ROBO2: variants seen among roughly 807,000 people sequenced by gnomAD.
ROBO2 encodes roundabout guidance receptor 2, also known as roundabout homolog 2.
In ROBO2, 53 loss-of-function variants were observed where a neutral mutation model predicts 160.8. The ratio of observed to expected loss-of-function variants is 0.33; its 90% CI spans 0.26 to 0.41. The LOEUF (loss-of-function observed/expected upper bound fraction) is 0.41, where lower values mean the gene tolerates loss of function less well. Ranked by LOEUF, ROBO2 falls within the 10% of genes least tolerant of loss-of-function variation. ROBO2 has a pLI of 1.00. For synonymous variants in ROBO2, 664 were observed against 611.7 expected, an observed-to-expected ratio of 1.09 and a Z score of -1.26; for missense variants, 1,577 against 1,722.4, an observed-to-expected ratio of 0.92 and a Z score of 1.49.
At chr3:76,194,867 G>GT (rs1264741109) in intron 2 of ROBO2, among the ~76,000 whole-genome samples, 1 of 152,080 alleles carries the variant, frequency 6.6e-6, no homozygotes, top group East Asian at 1.9e-4. Context: ...ATCCGCCCGC[G>GT]TTGGTCTCTC....
intron 2 of ROBO2, among the ~76,000 whole-genome samples, chr3:76,744,585 T>G (rs992896363): frequency 6.6e-6 from 1 of 151,934 alleles, no homozygotes; most frequent in Non-Finnish European, 1.5e-5. Flanking sequence ...TGGTCTCAAA[T>G]TTCTGTCTTC....
intron 2 of ROBO2, among the ~76,000 whole-genome samples, chr3:77,010,150 T>A (rs77345132): frequency 0.028 from 4,313 of 152,172 alleles, 213 homozygotes; most frequent in African/African-American, 0.098. Flanking sequence ...CTGAACTTGG[T>A]TGATTTCAGA....
intron 2 of ROBO2, among the ~76,000 whole-genome samples, chr3:76,797,431 C>T (rs1483581051): frequency 6.6e-6 from 1 of 151,824 alleles, no homozygotes; most frequent in Non-Finnish European, 1.5e-5. Flanking sequence ...TGGCATACAG[C>T]AAAAGCAGTA....
chr3:76,928,215 G>A (rs913093973), intron 2 of ROBO2, among the ~76,000 whole-genome samples: 7 of 152,104 alleles, frequency 4.6e-5, no homozygotes, highest in Admixed American at 3.3e-4. Context: ...CAGACAAAGA[G>A]AGCCATGAGC....
chr3:76,622,407 A>G (rs2089287513), intron 2 of ROBO2, among the ~76,000 whole-genome samples: 1 of 152,082 alleles, frequency 6.6e-6, no homozygotes, highest in South Asian at 2.1e-4. Context: ...CAAGGATAGC[A>G]TGAGCCATGA....
intron 6 of ROBO2, chr3:77,539,010 C>G (rs1389960361): frequency 2.7e-6 from 1 of 376,518 alleles, no homozygotes; most frequent in Non-Finnish European, 5.3e-6. Flanking sequence ...CTCCGCCTCC[C>G]GGGTTCAAGC....
intron 1 of ROBO2, 51 bp downstream of exon 1, chr3:77,040,897 C>T (rs765304370): frequency 2.0e-5 from 32 of 1,609,388 alleles, no homozygotes; most frequent in Middle Eastern, 1.6e-4. Flanking sequence ...CCCCCAATCC[C>T]CCAAAACCAT....
chr3:76,595,798 G>A (rs1469611329), intron 2 of ROBO2, among the ~76,000 whole-genome samples: 1 of 152,024 alleles, frequency 6.6e-6, no homozygotes. Context: ...AGAACCCAAA[G>A]AAACACAGTA....
rs1390429550 is a variant in ROBO2 at position 77,164,887 on chromosome 3, G to C, written c.388+66547G>C. ...CAGCCACCCCGTCCGGGAGGGAGGT[G>C]GGGGGGTCAGCCCCCCGCCCGGCCA... On this transcript the variant is annotated intron_variant, in intron 2 of 25. Coordinates refer to ENST00000461745, the Ensembl canonical transcript of ROBO2. 1.7e-3 allele frequency among the ~76,000 whole-genome samples: 162 copies of C among 94,668 alleles called. 6 individuals carry two copies. Among genetic ancestry groups the C allele is most frequent in the African/African-American group, 5.4e-3 (156 of 28,822 alleles). 62.1% of individuals were successfully genotyped at this position (94,668 alleles called of 152,430 possible).
chr3:76,925,059 T>G (rs1455268458), intron 2 of ROBO2, among the ~76,000 whole-genome samples: 1 of 151,224 alleles, frequency 6.6e-6, no homozygotes, highest in Admixed American at 6.6e-5. Flanking sequence ...ATACAAAAAA[T>G]TAGCCGGGCG....
In ROBO2 at chr3:76,239,199, T is replaced by C. The variant is rs181957060; in HGVS notation, c.109+301597T>C. ...TAGAGATAGAGAGAAATAAATTTTT[T>C]TAAGGGAGGGCAACAATAAATACTG... On this transcript the variant is annotated intron_variant, in intron 2 of 26. Coordinates refer to the ROBO2 transcript ENST00000487694. Among the ~76,000 whole-genome samples the C allele has an allele frequency of 8.1e-4, 124 of 152,250 alleles. No individual in the cohort carries two copies. The Middle Eastern group carries it at 0.014, about 17-fold the overall frequency.
intron 2 of ROBO2, among the ~76,000 whole-genome samples, chr3:76,294,486 A>C (rs1338711514): frequency 1.3e-5 from 2 of 151,914 alleles, no homozygotes; most frequent in African/African-American, 4.8e-5. Context: ...CCAAATATCC[A>C]TTGTCCACTT....
chr3:77,067,757 T>G (rs1419801686), intron 1 of ROBO2, among the ~76,000 whole-genome samples: 1 of 152,042 alleles, frequency 6.6e-6, no homozygotes, highest in African/African-American at 2.4e-5. Context: ...CTTCAGAAAA[T>G]AGATGAGAAA....
chr3:77,298,584 A>G (rs1052440129), intron 2 of ROBO2, among the ~76,000 whole-genome samples: 1 of 152,052 alleles, frequency 6.6e-6, no homozygotes, highest in African/African-American at 2.4e-5. Context: ...ATGGGAAACC[A>G]CCATTAAGGG....
At chr3:76,819,502 C>T (rs2065940441) in intron 2 of ROBO2, among the ~76,000 whole-genome samples, 1 of 151,984 alleles carries the variant, frequency 6.6e-6, no homozygotes, top group South Asian at 2.1e-4. Context: ...CTGGACACTT[C>T]CTTCCTTGTC....
intron 2 of ROBO2, among the ~76,000 whole-genome samples, chr3:76,800,884 G>A (rs1053894077): frequency 2.6e-5 from 4 of 152,032 alleles, no homozygotes; most frequent in Non-Finnish European, 5.9e-5. Flanking sequence ...ATGATCCAGG[G>A]ATCCCACAGC....
intron 2 of ROBO2, among the ~76,000 whole-genome samples, chr3:76,961,350 A>T (rs1048889700): frequency 6.6e-6 from 1 of 151,714 alleles, no homozygotes; most frequent in African/African-American, 2.4e-5. Flanking sequence ...TGTTATGCAC[A>T]TCGAAAATTT....
chr3:76,388,548 G>A (rs545570602), intron 2 of ROBO2, among the ~76,000 whole-genome samples: 1 of 152,250 alleles, frequency 6.6e-6, no homozygotes, highest in Admixed American at 6.5e-5. Flanking sequence ...TGGGATTACA[G>A]GCATAAATTT....
At chr3:76,094,311 G>A (rs2108116047) in intron 2 of ROBO2, among the ~76,000 whole-genome samples, 1 of 152,354 alleles carries the variant, frequency 6.6e-6, no homozygotes, top group East Asian at 1.9e-4. Flanking sequence ...TCAGAAGCAG[G>A]AAGGAGACCT....
Sources: allele counts gnomAD v4.1 joint callset (sites outside exome capture counted in the v4.1 genomes callset), GRCh38; gene constraint gnomAD v4.1.1; transcripts MANE v1.5; gene names NCBI Gene and HGNC (gene_info 2026-07-23, HGNC 2026-07-21).